ITGB4: variants seen among roughly 807,000 people sequenced by gnomAD.
ITGB4 encodes integrin beta-4.
A neutral mutation model predicts 207.6 loss-of-function variants in ITGB4; 159 were observed. The observed-to-expected ratio is 0.77, with a 90% CI of 0.67 to 0.87. The LOEUF (loss-of-function observed/expected upper bound fraction) is 0.87. ITGB4 is among the 40% of genes least tolerant of loss of function. ITGB4 has a pLI of 0.00. For missense variants in ITGB4, 2,278 were observed against 2,546.8 expected, an observed-to-expected ratio of 0.89 and a Z score of 2.27; for synonymous variants, 1,020 against 1,062.7, an observed-to-expected ratio of 0.96 and a Z score of 0.78.
intron 13 of ITGB4, among the ~76,000 whole-genome samples, chr17:75,734,383 G>C (rs879375458): frequency 1.3e-5 from 2 of 151,896 alleles, no homozygotes; most frequent in Non-Finnish European, 2.9e-5. Context: ...TGATCTGCCC[G>C]CCTCAGCCTC....
chr17:75,730,911 G>T lies in ITGB4; in HGVS notation c.1039G>T (p.Val347Leu), dbSNP rs374688114. 1.9e-6 allele frequency: 3 copies of T among 1,613,852 alleles called. No homozygotes were observed. The highest frequency in any genetic ancestry group is 1.1e-5 in the South Asian group (1 of 91,076). ...HTYFPVSSLG[V>L]LQEDSSNIVE... ...CTATTTCCCTGTCTCCTCACTGGGGGTGCTGCAGGAGGACTCGTCCAACAT... is the reference window on the plus strand; with the variant it reads ...CTATTTCCCTGTCTCCTCACTGGGGTTGCTGCAGGAGGACTCGTCCAACAT... Residue 347 changes from valine to leucine, a missense_variant, in exon 9 of 40, where the codon GTG becomes TTG. Val to Leu is a conservative substitution (Grantham distance 32). Transcript: ENST00000200181.
rs1399948370 is a variant in ITGB4, at chr17:75,733,624, G to A, written c.1589G>A (p.Arg530His). 4.3e-6 allele frequency: 7 copies of A among 1,614,070 alleles called. No individual in the cohort carries two copies. The highest frequency in any genetic ancestry group is 5.9e-6 in the Non-Finnish European group (7 of 1,180,058). The change falls in exon 13 of 40, where the codon CGC becomes CAC. Residue 530 changes from arginine (R) to histidine (H), a missense_variant. By Grantham distance (29) the Arg-to-His change is conservative (BLOSUM62 0). Transcript: ENST00000200181. ...CACTGTGTGTGCTACGGCGAAGGCC[G>A]CTACGAGGGTCAGTTCTGCGAGTAT... ...CGHCVCYGEG[R>H]YEGQFCEYDN...
At chr17:75,741,160 C>A in intron 23 of ITGB4, 155 bp downstream of exon 23, 1 of 855,280 alleles carries the variant, frequency 1.2e-6, no homozygotes, top group Non-Finnish European at 1.9e-6. Context: ...GTTCCTTTGA[C>A]CATTTCTTCA....
At chr17:75,755,533 G>A (rs1452820324) in intron 34 of ITGB4, among the ~76,000 whole-genome samples, 168 bp from the exon 35 acceptor site, 1 of 152,164 alleles carries the variant, frequency 6.6e-6, no homozygotes, top group Admixed American at 6.5e-5. Context: ...GAGGATGTGC[G>A]GTAGGTGCTG....
Position 75,736,695 on chromosome 17 carries a change from G to T in ITGB4, c.1990+1G>T, listed in dbSNP as rs111498457. 5 of 1,592,984 alleles carry T rather than the reference G, an allele frequency of 3.1e-6. No homozygotes were observed. In the South Asian group the frequency reaches 5.7e-5, roughly 18 times the overall value. ...AAGATGGTGGACGAGCTTAAGAGAGGTAGGGGCAGGGGCTGAGGGTTGGGG... is the reference window on the plus strand; with the variant it reads ...AAGATGGTGGACGAGCTTAAGAGAGTTAGGGGCAGGGGCTGAGGGTTGGGG... On this transcript the variant is annotated splice_donor_variant, in intron 16 of 39. Transcript: ENST00000200181. LOFTEE classifies it high-confidence loss of function.
rs925126060 is a variant in ITGB4, at chr17:75,727,555, AT to A, written c.264+53del. ...GGGGCTCCCCATGCTCAGCCTGGCTATTTATGGGGGTGTATAGTGCCCCTTG... is the reference window on the plus strand; with the variant it reads ...GGGGCTCCCCATGCTCAGCCTGGCTATTATGGGGGTGTATAGTGCCCCTTG... On this transcript the variant is annotated intron_variant, in intron 4 of 39. Coordinates refer to ENST00000200181, the MANE Select transcript of ITGB4 (RefSeq NM_000213.5). This position sits in a 1 kb window ranked among gnomAD's most constrained non-coding sequence, Gnocchi z 6.0. The A allele has an allele frequency of 2.5e-6, 4 of 1,600,656 alleles. No individual in the cohort carries two copies. The African/African-American group carries it at 4.0e-5, about 16-fold the overall frequency.
rs760115004 is a variant in ITGB4 at position 75,727,744 on chromosome 17, C to T, written c.358C>T (p.Leu120=). The change falls in exon 5 of 40, where the codon CTG becomes TTG. Residue 120 remains leucine (L), a synonymous_variant. Transcript: ENST00000200181. The surrounding 1 kb of genome is among the most constrained non-coding windows in gnomAD (Gnocchi z 6.0). ...LRPGEERHFE[L]EVFEPLESPV... is the part of the protein sequence containing the mutation. ...GCCCGGTGAGGAGCGGCATTTTGAG[C>T]TGGAGGTGTTTGAGCCACTGGAGAG... 6.2e-7 allele frequency: 1 copy of T among 1,614,016 alleles called. No individual in the cohort carries two copies. Among genetic ancestry groups the T allele is most frequent in the South Asian group, 1.1e-5 (1 of 91,042 alleles).
intron 23 of ITGB4, among the ~76,000 whole-genome samples, chr17:75,741,469 G>A (rs1383173474): frequency 6.6e-6 from 1 of 152,136 alleles, no homozygotes; most frequent in Admixed American, 6.5e-5. Flanking sequence ...AGGGGGTCTT[G>A]ATGCAGGGAC....
chr17:75,734,994 G>A (rs2060942745), intron 13 of ITGB4, among the ~76,000 whole-genome samples: 1 of 152,172 alleles, frequency 6.6e-6, no homozygotes. Flanking sequence ...CTTGCTAAAC[G>A]CACTTATGAA....
rs750407691 is a variant in ITGB4 at position 75,731,848 on chromosome 17, G to A, written c.1252G>A (p.Val418Met). 50 of 1,611,864 alleles carry A rather than the reference G, an allele frequency of 3.1e-5. No homozygotes were observed. The Admixed American group carries it at 4.9e-4, about 16-fold the overall frequency. ...YQVQLRALEH[V>M]DGTHVCQLPE... ...GGTGCAGCTGCGGGCCCTTGAGCAC[G>A]TGGATGGGACGCACGTGTGCCAGCT... The change falls in exon 11 of 40, where the codon GTG (valine) becomes ATG (methionine). Residue 418 changes from valine (V) to methionine (M), a missense_variant. Coordinates refer to ENST00000200181, the MANE Select transcript of ITGB4 (RefSeq NM_000213.5). The surrounding 1 kb of genome is among the most constrained non-coding windows in gnomAD (Gnocchi z 6.8).
chr17:75,750,901 C>T lies in ITGB4; in HGVS notation c.3655+41C>T, dbSNP rs749016490. On this transcript the variant is annotated intron_variant, in intron 29 of 39. Coordinates refer to ENST00000200181, the MANE Select transcript of ITGB4 (RefSeq NM_000213.5). This position sits in a 1 kb window ranked among gnomAD's most constrained non-coding sequence, Gnocchi z 5.5. ...GTCTGTCCATTTGTCCCCTGGCTGC[C>T]CTGATGCCAGCATGCCCAGACCTCC... 3 of 1,612,866 alleles carry T rather than the reference C, an allele frequency of 1.9e-6. No individual in the cohort carries two copies. Among genetic ancestry groups the T allele is most frequent in the African/African-American group, 2.7e-5 (2 of 74,920 alleles).
At chr17:75,736,009 A>C in intron 13 of ITGB4, 42 bp from the exon 14 acceptor site, 1 of 1,586,300 alleles carries the variant, frequency 6.3e-7, no homozygotes, top group Admixed American at 1.7e-5. Flanking sequence ...GACTACAGGC[A>C]CAGATGTAGC....
In ITGB4 at chr17:75,739,968, C is replaced by G. The variant is rs1184958737; in HGVS notation, c.2343C>G (p.Ser781Arg). The change falls in exon 20 of 40, where the codon AGC becomes AGG. Residue 781 changes from serine to arginine, a missense_variant. Ser to Arg is a moderately radical substitution (Grantham distance 110, BLOSUM62 -1). Coordinates refer to ENST00000200181, the MANE Select transcript of ITGB4 (RefSeq NM_000213.5). The surrounding 1 kb of genome is among the most constrained non-coding windows in gnomAD (Gnocchi z 5.4). ...SDHLDTPMLR[S>R]GNLKGRDVVR... ...ACTTGGACACGCCCATGCTGCGCAG[C>G]GGGAACCTCAAGGGCCGTGACGTGG... 8 of 1,613,132 alleles carry G rather than the reference C, an allele frequency of 5.0e-6. No homozygotes were observed. Among genetic ancestry groups the G allele is most frequent in the Non-Finnish European group, 6.8e-6 (8 of 1,180,038 alleles).
chr17:75,730,877 G>A lies in ITGB4; in HGVS notation c.1005G>A (p.Lys335=), dbSNP rs2060841111. 6.2e-7 allele frequency: 1 copy of A among 1,612,436 alleles called. No homozygotes were observed. The highest frequency in any genetic ancestry group is 1.1e-5 in the South Asian group (1 of 91,054). Residue 335 remains lysine, a splice_region_variant and synonymous_variant, in exon 9 of 40, where the codon AAG becomes AAA. Transcript: ENST00000200181. ...AGACCTGGCCTTCTCTCCCGCAGAA[G>A]CTTCACACCTATTTCCCTGTCTCCT... ...VTNYSYSYYE[K]LHTYFPVSSL... is the part of the protein sequence containing the mutation.
At chr17:75,753,047 GTCAGCTGTGGCTCCACCTGTGGGACA>G (rs2061404273) in intron 32 of ITGB4, among the ~76,000 whole-genome samples, 1 of 152,244 alleles carries the variant, frequency 6.6e-6, no homozygotes, top group Non-Finnish European at 1.5e-5. Flanking sequence ...AGTGCTCAGT[GTCAGCTGTGGCTCCACCTGTGGGACA>G]TCAGATGAAT....
Position 75,740,983 on chromosome 17 carries a change from C to T in ITGB4, c.2611C>T (p.Gln871Ter). 2 of 1,613,970 alleles carry T rather than the reference C, an allele frequency of 1.2e-6. No individual in the cohort carries two copies. Among genetic ancestry groups the T allele is most frequent in the East Asian group, 2.2e-5 (1 of 44,874 alleles). ...VHKLQQTKFR[Q>*]QPNAGKKQDH... ...ACAGCGCCCTCTTTGTCCCCACAGG[C>T]AGCAGCCCAATGCCGGGAAAAAGTG... The change falls in exon 23 of 40, where the codon CAG (glutamine) becomes TAG (stop). Residue 871 changes from glutamine to a stop codon, truncating the protein, a stop_gained and splice_region_variant. Transcript: ENST00000200181. LOFTEE classifies it high-confidence loss of function. This position sits in a 1 kb window ranked among gnomAD's most constrained non-coding sequence, Gnocchi z 5.9.
intron 35 of ITGB4, 27 bp downstream of exon 35, chr17:75,755,877 G>C: frequency 6.3e-7 from 1 of 1,595,266 alleles, no homozygotes; most frequent in Non-Finnish European, 8.5e-7. Flanking sequence ...GCCAGGCTGC[G>C]GGGTGCAGCC....
Position 75,733,707 on chromosome 17 carries a change from T to G in ITGB4, c.1657+15T>G, listed in dbSNP as rs1160537004. 7.4e-6 allele frequency: 12 copies of G among 1,612,714 alleles called. No individual in the cohort carries two copies. The highest frequency in any genetic ancestry group is 1.7e-5 in the Admixed American group (1 of 59,994). On this transcript the variant is annotated intron_variant, in intron 13 of 39. Transcript: ENST00000200181. ...CCTCTGCAATGGTGAGCACAACAACTGCGGCCAATGCTGATGGCGGGGTAG... is the reference window on the plus strand; with the variant it reads ...CCTCTGCAATGGTGAGCACAACAACGGCGGCCAATGCTGATGGCGGGGTAG...
chr17:75,735,939 C>T (rs574907765), intron 13 of ITGB4, 112 bp from the exon 14 acceptor site: 18 of 942,134 alleles, frequency 1.9e-5, no homozygotes, highest in African/African-American at 1.8e-4. Context: ...CCCAGGCTAG[C>T]GGCACCCTGG....
Sources: gnomAD v4.1 joint callset for allele counts (sites outside exome capture counted in the v4.1 genomes callset) on GRCh38, gnomAD v4.1.1 for gene constraint, Gnocchi (gnomAD v3.1) non-coding constraint, MANE v1.5 for transcripts, NCBI Gene and HGNC (gene_info 2026-07-23, HGNC 2026-07-21) for gene names.